Variants in LUZP2 observed in about 807,000 individuals in gnomAD.
LUZP2 encodes the protein leucine zipper protein 2.
In LUZP2, 52 loss-of-function variants were observed where a neutral mutation model predicts 51.6. The ratio of observed to expected loss-of-function variants is 1.01; its 90% CI spans 0.81 to 1.27. The LOEUF is 1.27. Among genes scored for constraint, LUZP2 ranks in the 50% most tolerant of loss-of-function variants. The probability of loss-of-function intolerance (pLI) is 0.00; values close to 1 mark genes in which losing one functional copy is unlikely to be tolerated. For missense variants in LUZP2, 436 were observed against 395.4 expected, an observed-to-expected ratio of 1.10 and a Z score of -0.87; for synonymous variants, 154 against 137.3, an observed-to-expected ratio of 1.12 and a Z score of -0.85.
At chr11:24,987,802 G>C (rs1273085998) in intron 9 of LUZP2, among the ~76,000 whole-genome samples, 1 of 151,852 alleles carries the variant, frequency 6.6e-6, no homozygotes, top group Middle Eastern at 3.2e-3. Flanking sequence ...CTGTTACAAA[G>C]TAGTTTTTTA....
At chr11:24,939,406 C>CG (rs1565136250) in intron 7 of LUZP2, among the ~76,000 whole-genome samples, 1 of 151,826 alleles carries the variant, frequency 6.6e-6, no homozygotes, top group Non-Finnish European at 1.5e-5. Flanking sequence ...CTACCACTCT[C>CG]GGGGGAAGGG....
Position 25,081,602 on chromosome 11 carries a change from A to G in LUZP2, c.*2944A>G, listed in dbSNP as rs915800455. On this transcript the variant is annotated 3_prime_UTR_variant, in exon 12 of 12. Transcript: ENST00000336930. ...CGGATAAGTTTAAAATGTTCCTCTT[A>G]CATTTGTGAATGTGTCTATGAGAGA... 3 of 152,116 alleles carry G rather than the reference A, an allele frequency of 2.0e-5. No homozygotes were observed. Among genetic ancestry groups the G allele is most frequent in the African/African-American group, 7.2e-5 (3 of 41,428 alleles). 9.4% of individuals were successfully genotyped at this position (152,116 alleles called of 1,614,324 possible). A position where few individuals can be genotyped will look rare whatever the true frequency, so the allele number is the denominator to read the frequency against.
chr11:25,078,796 C>T lies in LUZP2; in HGVS notation c.*138C>T, dbSNP rs755979501. 6 of 666,272 alleles carry T rather than the reference C, an allele frequency of 9.0e-6. No homozygotes were observed. Among genetic ancestry groups the T allele is most frequent in the Non-Finnish European group, 1.5e-5 (6 of 399,222 alleles). 41.3% of individuals were successfully genotyped at this position (666,272 alleles called of 1,614,324 possible). ...ATGTAACTTTATAAAGTAGCCTACA[C>T]ATTTTCAAAGATTCCAGACCAATTA... On this transcript the variant is annotated 3_prime_UTR_variant, in exon 12 of 12. Coordinates refer to ENST00000336930, the MANE Select transcript of LUZP2 (RefSeq NM_001009909.4).
In LUZP2 at chr11:24,887,973, G is replaced by C. The variant is rs1852726501; in HGVS notation, c.397-18018G>C. Among the ~76,000 whole-genome samples, 4 of 152,076 alleles carry C rather than the reference G, an allele frequency of 2.6e-5. No homozygotes were observed. In the South Asian group the frequency reaches 8.3e-4, roughly 32 times the overall value. On this transcript the variant is annotated intron_variant, in intron 5 of 11. Transcript: ENST00000336930. Reference sequence around the variant, plus strand: ...CTTGGTTTAAATTTAATTGCACTTTGGACAAATTAATGCATGTTTTCAGCT... The same window carrying C: ...CTTGGTTTAAATTTAATTGCACTTTCGACAAATTAATGCATGTTTTCAGCT...
intron 4 of LUZP2, among the ~76,000 whole-genome samples, chr11:24,758,946 A>G (rs530891741): frequency 1.2e-4 from 19 of 152,224 alleles, no homozygotes; most frequent in African/African-American, 4.3e-4. Context: ...TATCTGAAAA[A>G]ATAAATTAAA....
intron 7 of LUZP2, among the ~76,000 whole-genome samples, chr11:24,916,799 G>C (rs969903514): frequency 2.0e-5 from 3 of 152,142 alleles, no homozygotes; most frequent in Admixed American, 1.3e-4. Flanking sequence ...AAACATACGT[G>C]TGCATGTATC....
chr11:24,944,541 G>A (rs2133853743), intron 7 of LUZP2, among the ~76,000 whole-genome samples: 1 of 152,276 alleles, frequency 6.6e-6, no homozygotes, highest in South Asian at 2.1e-4. Context: ...AGAAAAAATG[G>A]AAAACCTAAT....
intron 5 of LUZP2, among the ~76,000 whole-genome samples, chr11:24,813,715 C>A (rs1264723815): frequency 6.6e-6 from 1 of 152,196 alleles, no homozygotes; most frequent in Non-Finnish European, 1.5e-5. Context: ...GGACAAATAT[C>A]CAAACTATAT....
intron 7 of LUZP2, among the ~76,000 whole-genome samples, chr11:24,939,588 T>G (rs1479434391): frequency 1.3e-5 from 2 of 152,126 alleles, no homozygotes; most frequent in African/African-American, 4.8e-5. Context: ...ATCCAGTGAT[T>G]AAGTGAGGAA....
At chr11:24,997,123 G>T (rs1385248771) in intron 9 of LUZP2, among the ~76,000 whole-genome samples, 1 of 149,732 alleles carries the variant, frequency 6.7e-6, no homozygotes, top group Admixed American at 6.7e-5. Context: ...TAGTCCTTTG[G>T]GTATATACCC....
At chr11:24,806,252 A>G (rs1849853596) in intron 5 of LUZP2, among the ~76,000 whole-genome samples, 1 of 152,184 alleles carries the variant, frequency 6.6e-6, no homozygotes, top group South Asian at 2.1e-4. Context: ...CACTCGGTAA[A>G]TGTTAATTGT....
At chr11:24,578,126 C>T (rs1047480179) in intron 1 of LUZP2, among the ~76,000 whole-genome samples, 6 of 151,230 alleles carry the variant, frequency 4.0e-5, no homozygotes, top group African/African-American at 1.5e-4. Flanking sequence ...TTATTTTACT[C>T]CTTAATTTTA....
intron 5 of LUZP2, among the ~76,000 whole-genome samples, chr11:24,880,602 T>A (rs1299218255): frequency 6.6e-6 from 1 of 152,158 alleles, no homozygotes; most frequent in East Asian, 1.9e-4. Context: ...ATTTTGAGAT[T>A]CACTGGCTTA....
intron 10 of LUZP2, among the ~76,000 whole-genome samples, chr11:25,070,323 A>G (rs1859115931): frequency 6.6e-6 from 1 of 152,012 alleles, no homozygotes; most frequent in Non-Finnish European, 1.5e-5. Context: ...TCCACCTTCA[A>G]AAAATGTGGA....
intron 7 of LUZP2, among the ~76,000 whole-genome samples, chr11:24,954,284 A>C (rs1045092206): frequency 4.6e-5 from 7 of 152,200 alleles, no homozygotes; most frequent in South Asian, 2.1e-4. Context: ...CCTATCTCGC[A>C]GGAGGTTGCC....
At chr11:25,045,381 A>G (rs1489188681) in intron 9 of LUZP2, among the ~76,000 whole-genome samples, 1 of 151,528 alleles carries the variant, frequency 6.6e-6, no homozygotes, top group Non-Finnish European at 1.5e-5. Context: ...GACGTAAAGA[A>G]TAACTGAAAA....
chr11:25,036,607 A>G (rs770473469), intron 9 of LUZP2, among the ~76,000 whole-genome samples: 5 of 151,980 alleles, frequency 3.3e-5, no homozygotes, highest in African/African-American at 4.8e-5. Flanking sequence ...GGAGGCACTT[A>G]AGATTAAACT....
At chr11:24,658,379 A>T (rs1855893813) in intron 1 of LUZP2, among the ~76,000 whole-genome samples, 1 of 152,236 alleles carries the variant, frequency 6.6e-6, no homozygotes, top group Admixed American at 6.5e-5. Context: ...CATATGGAGA[A>T]AGCTGAAACT....
chr11:25,078,677 A>G lies in LUZP2; in HGVS notation c.*19A>G. The G allele has an allele frequency of 1.3e-6, 2 of 1,548,572 alleles. No individual in the cohort carries two copies. The highest frequency in any genetic ancestry group is 1.8e-6 in the Non-Finnish European group (2 of 1,131,168). ...ACTGTAAATACTAAGAAACTGTGTT[A>G]AAAACGTCCATTTGCTATTGTCTTC... On this transcript the variant is annotated 3_prime_UTR_variant, in exon 12 of 12. Coordinates refer to ENST00000336930, the MANE Select transcript of LUZP2 (RefSeq NM_001009909.4).
Sources: gnomAD v4.1 joint callset for allele counts (sites outside exome capture counted in the v4.1 genomes callset) on GRCh38, gnomAD v4.1.1 for gene constraint, MANE v1.5 for transcripts, NCBI Gene and HGNC (gene_info 2026-07-23, HGNC 2026-07-21) for gene names.